RPL37A: variants seen among roughly 807,000 people sequenced by gnomAD.
The protein encoded by RPL37A is ribosomal protein L37a, also known as large ribosomal subunit protein eL43.
Under a neutral mutation model 13.6 loss-of-function variants are expected in RPL37A, and 5 were observed. The observed-to-expected ratio is 0.37, with a 90% CI of 0.19 to 0.78. RPL37A has a LOEUF of 0.78. RPL37A is among the 30% of genes least tolerant of loss of function. The probability of loss-of-function intolerance (pLI) is 0.49; values close to 1 mark genes in which losing one functional copy is unlikely to be tolerated. For missense variants in RPL37A, 77 were observed against 120.0 expected (o/e 0.64, Z 1.67); for synonymous variants, 50 against 44.4 (o/e 1.13, Z -0.50).
chr2:216,499,815 CCTGTT>C (rs766643893), intron 2 of RPL37A, 129 bp from the exon 3 acceptor site: 50 of 796,868 alleles, frequency 6.3e-5, no homozygotes, highest in South Asian at 2.6e-4. Context: ...TACAGCAATC[CCTGTT>C]TTGTTTTTGA....
In RPL37A at chr2:216,502,951, C is replaced by A. The variant is rs969030148; in HGVS notation, c.*1547C>A. 1.3e-5 allele frequency: 2 copies of A among 152,162 alleles called. No homozygotes were observed. The highest frequency in any genetic ancestry group is 2.9e-5 in the Non-Finnish European group (2 of 68,032). 9.4% of individuals were successfully genotyped at this position (152,162 alleles called of 1,614,324 possible). Reference sequence around the variant, plus strand: ...TGCTAGATCCATAGCAGTAACTCATCTGTGGATCTCATTTGTGTCACAAAA... The same window carrying A: ...TGCTAGATCCATAGCAGTAACTCATATGTGGATCTCATTTGTGTCACAAAA... On this transcript the variant is annotated 3_prime_UTR_variant, in exon 4 of 4. Transcript: ENST00000491306.
chr2:216,500,086 T>A, intron 3 of RPL37A, 55 bp downstream of exon 3: 1 of 1,396,174 alleles, frequency 7.2e-7, no homozygotes, highest in East Asian at 2.3e-5. Context: ...AGGCCCAAAT[T>A]CCAGGTTGCT....
Position 216,499,311 on chromosome 2 carries a change from G to T in RPL37A, c.45G>T (p.Gly15=). ...TKKVGIVGKY[G]TRYGASLRKM... ...AAGTCGGGATCGTCGGTAAATACGGGACCCGCTATGGGGCCTCCCTCCGGA... is the reference window on the plus strand; with the variant it reads ...AAGTCGGGATCGTCGGTAAATACGGTACCCGCTATGGGGCCTCCCTCCGGA... Residue 15 remains glycine (G), a synonymous_variant, in exon 2 of 4, where the codon GGG becomes GGT. Transcript: ENST00000491306. 6.2e-7 allele frequency: 1 copy of T among 1,613,878 alleles called. No individual in the cohort carries two copies. The highest frequency in any genetic ancestry group is 8.5e-7 in the Non-Finnish European group (1 of 1,180,044).
rs935734480 is a variant in RPL37A at position 216,503,746 on chromosome 2, G to A, written c.*2342G>A. The A allele has an allele frequency of 6.6e-6, 1 of 152,180 alleles. No individual in the cohort carries two copies. The highest frequency in any genetic ancestry group is 6.5e-5 in the Admixed American group (1 of 15,276). The allele number at this position is 152,180 out of a possible 1,614,324, so 9.4% of individuals were successfully genotyped here. Reference sequence around the variant, plus strand: ...TTAAAAGAGGAAAGGGCGGGGGACAGTTTACAGACCAGTGAAAGTGCTGAG... The same window carrying A: ...TTAAAAGAGGAAAGGGCGGGGGACAATTTACAGACCAGTGAAAGTGCTGAG... On this transcript the variant is annotated 3_prime_UTR_variant, in exon 4 of 4. Transcript: ENST00000491306.
Position 216,501,456 on chromosome 2 carries a change from T to C in RPL37A, c.*52T>C. On this transcript the variant is annotated 3_prime_UTR_variant, in exon 4 of 4. Transcript: ENST00000491306. ...CTGGCCTATAATAAATGGGTTAATT[T>C]ATGTAACAAAATTGCCTTGGCTTGT... 1 of 1,324,898 alleles carries C rather than the reference T, an allele frequency of 7.5e-7. No homozygotes were observed. The highest frequency in any genetic ancestry group is 1.1e-6 in the Non-Finnish European group (1 of 927,010). 82.1% of individuals were successfully genotyped at this position (1,324,898 alleles called of 1,614,324 possible).
At position 216,502,940 on chromosome 2, in the gene RPL37A, C is replaced by T. The variant is rs1695624556; in HGVS notation, c.*1536C>T. On this transcript the variant is annotated 3_prime_UTR_variant, in exon 4 of 4. Coordinates refer to ENST00000491306, the MANE Select transcript of RPL37A (RefSeq NM_000998.5). Reference sequence around the variant, plus strand: ...GGTCAGGCATTTGCTAGATCCATAGCAGTAACTCATCTGTGGATCTCATTT... The same window carrying T: ...GGTCAGGCATTTGCTAGATCCATAGTAGTAACTCATCTGTGGATCTCATTT... 2 of 152,148 alleles carry T rather than the reference C, an allele frequency of 1.3e-5. No homozygotes were observed. Among genetic ancestry groups the T allele is most frequent in the Admixed American group, 1.3e-4 (2 of 15,280 alleles). The allele number at this position is 152,148 out of a possible 1,614,324, so 9.4% of individuals were successfully genotyped here. A position where few individuals can be genotyped will look rare whatever the true frequency, so the allele number is the denominator to read the frequency against.
chr2:216,499,506 A>G (rs1695559991), intron 2 of RPL37A, 108 bp downstream of exon 2: 3 of 1,270,332 alleles, frequency 2.4e-6, no homozygotes, highest in African/African-American at 3.0e-5. Flanking sequence ...GGGCAGTTGG[A>G]ATTACTCATA....
chr2:216,500,195 A>G, intron 3 of RPL37A, 164 bp downstream of exon 3: 1 of 626,118 alleles, frequency 1.6e-6, no homozygotes, highest in South Asian at 1.9e-5. Context: ...TCAGTTATTG[A>G]AAGAGTAAAC....
Position 216,501,323 on chromosome 2 carries a change from CTG to C in RPL37A, c.216-17_216-16del, listed in dbSNP as rs778529850. 2 of 1,606,840 alleles carry C rather than the reference CTG, an allele frequency of 1.2e-6. No individual in the cohort carries two copies. Among genetic ancestry groups the C allele is most frequent in the Non-Finnish European group, 1.7e-6 (2 of 1,174,782 alleles). On this transcript the variant is annotated splice_polypyrimidine_tract_variant and intron_variant, in intron 3 of 3. Transcript: ENST00000491306. ...TTAACATGCTTAATTATGTTGGAAA[CTG>C]AATCTTTCTTTCCAGTACCACTTCC...
rs1695628496 is a variant in RPL37A, at chr2:216,503,244, A to G, written c.*1840A>G. 1 of 152,216 alleles carries G rather than the reference A, an allele frequency of 6.6e-6. No individual in the cohort carries two copies. The highest frequency in any genetic ancestry group is 2.1e-4 in the South Asian group (1 of 4,832). 9.4% of individuals were successfully genotyped at this position (152,216 alleles called of 1,614,324 possible). A position where few individuals can be genotyped will look rare whatever the true frequency, so the allele number is the denominator to read the frequency against. On this transcript the variant is annotated 3_prime_UTR_variant, in exon 4 of 4. Transcript: ENST00000491306. ...CTAGATAGTTGGGTGACTTGGGTTA[A>G]GTGACTTAACCTCTCTGCTTCAGTT...
Position 216,498,893 on chromosome 2 carries a change from T to C in RPL37A, c.3+16T>C. On this transcript the variant is annotated intron_variant, in intron 1 of 3. Transcript: ENST00000491306. ...CGGCGACATGGTGAGTGTGGGTCTC[T>C]GTGCGGCCTAGAACTCTATCTGCCT... 1 of 1,613,958 alleles carries C rather than the reference T, an allele frequency of 6.2e-7. No homozygotes were observed. The highest frequency in any genetic ancestry group is 8.5e-7 in the Non-Finnish European group (1 of 1,179,870).
At chr2:216,499,774 G>T (rs1433074648) in intron 2 of RPL37A, 175 bp from the exon 3 acceptor site, 1 of 720,886 alleles carries the variant, frequency 1.4e-6, no homozygotes, top group African/African-American at 1.7e-5. Context: ...GTTTGATAAA[G>T]GTTTGAACGT....
rs1695637392 is a variant in RPL37A, at chr2:216,503,890, G to T, written c.*2486G>T. ...CTATCTGTGATTTTCTGCTGTACCA[G>T]TCTGCCTTCTATTTTATGGGCTCAG... On this transcript the variant is annotated 3_prime_UTR_variant, in exon 4 of 4. Coordinates refer to ENST00000491306, the MANE Select transcript of RPL37A (RefSeq NM_000998.5). 1 of 152,178 alleles carries T rather than the reference G, an allele frequency of 6.6e-6. No homozygotes were observed. The highest frequency in any genetic ancestry group is 2.4e-5 in the African/African-American group (1 of 41,436). The allele number at this position is 152,178 out of a possible 1,614,324, so 9.4% of individuals were successfully genotyped here.
chr2:216,501,144 T>A (rs544316257), intron 3 of RPL37A, 197 bp from the exon 4 acceptor site: 2 of 482,340 alleles, frequency 4.1e-6, no homozygotes, highest in African/African-American at 3.9e-5. Context: ...GCCACTAATT[T>A]CCGAGGAGTA....
rs1420040338 is a variant in RPL37A at position 216,502,454 on chromosome 2, T to TG, written c.*1051dup. ...ATGAAACTAATTTCACATTAAATGT[T>TG]GCAAACGTCTGCAATTCTCCAGTTT... On this transcript the variant is annotated 3_prime_UTR_variant, in exon 4 of 4. Transcript: ENST00000491306. The TG allele has an allele frequency of 6.6e-6, 1 of 152,244 alleles. No homozygotes were observed. The highest frequency in any genetic ancestry group is 1.5e-5 in the Non-Finnish European group (1 of 68,036). 9.4% of individuals were successfully genotyped at this position (152,244 alleles called of 1,614,324 possible). A position where few individuals can be genotyped will look rare whatever the true frequency, so the allele number is the denominator to read the frequency against.
At chr2:216,500,414 CCATCAG>C in intron 3 of RPL37A, 1 of 277,114 alleles carries the variant, frequency 3.6e-6, no homozygotes, top group East Asian at 9.4e-5. Context: ...GAACTTGAGG[CCATCAG>C]GACCACCACA....
chr2:216,498,988 C>T, intron 1 of RPL37A, 111 bp downstream of exon 1: 6 of 1,484,570 alleles, frequency 4.0e-6, no homozygotes, highest in African/African-American at 1.4e-5. Context: ...TCTCCTGTCT[C>T]CATGCCTTTG....
rs1364788807 is a variant in RPL37A, at chr2:216,503,103, A to T, written c.*1699A>T. ...ACAGCTCTCCAGGTGAATCTCCTGG[A>T]GAATTCTCCATAGGATCTCCAGGTG... On this transcript the variant is annotated 3_prime_UTR_variant, in exon 4 of 4. Transcript: ENST00000491306. The T allele has an allele frequency of 6.6e-6, 1 of 152,148 alleles. No individual in the cohort carries two copies. The highest frequency in any genetic ancestry group is 1.5e-5 in the Non-Finnish European group (1 of 68,018). The allele number at this position is 152,148 out of a possible 1,614,324, so 9.4% of individuals were successfully genotyped here. A position where few individuals can be genotyped will look rare whatever the true frequency, so the allele number is the denominator to read the frequency against.
Position 216,502,795 on chromosome 2 carries a change from C to G in RPL37A, c.*1391C>G, listed in dbSNP as rs1023351631. On this transcript the variant is annotated 3_prime_UTR_variant, in exon 4 of 4. Coordinates refer to ENST00000491306, the MANE Select transcript of RPL37A (RefSeq NM_000998.5). ...ACCTTTATTTCACTTGGTCTGACCC[C>G]TATCTTCTATAACTTGTTTTTTTGC... 6.6e-6 allele frequency: 1 copy of G among 152,218 alleles called. No individual in the cohort carries two copies. The highest frequency in any genetic ancestry group is 2.4e-5 in the African/African-American group (1 of 41,456). The allele number at this position is 152,218 out of a possible 1,614,324, so 9.4% of individuals were successfully genotyped here.
Sources: gnomAD v4.1 joint callset for allele counts on GRCh38, gnomAD v4.1.1 for gene constraint, MANE v1.5 for transcripts, NCBI Gene and HGNC (gene_info 2026-07-23, HGNC 2026-07-21) for gene names.